LRMDA: variants seen among roughly 807,000 people sequenced by gnomAD.
LRMDA encodes the protein leucine-rich melanocyte differentiation-associated protein.
Under a neutral mutation model 29.8 loss-of-function variants are expected in LRMDA, and 18 were observed. That is an observed-to-expected ratio of 0.60 (90% CI 0.42 to 0.90). The LOEUF (loss-of-function observed/expected upper bound fraction) is 0.90, where lower values mean the gene tolerates loss of function less well. Ranked by LOEUF, LRMDA falls within the 40% of genes least tolerant of loss-of-function variation. LRMDA has a pLI of 0.00. For missense variants in LRMDA, 273 were observed against 273.9 expected (o/e 1.00, Z 0.02); for synonymous variants, 125 against 109.4 (o/e 1.14, Z -0.89).
intron 5 of LRMDA, among the ~76,000 whole-genome samples, chr10:76,151,762 CTAACT>C (rs2132166273): frequency 6.6e-6 from 1 of 152,256 alleles, no homozygotes; most frequent in Admixed American, 6.5e-5. Flanking sequence ...ACACAACATC[CTAACT>C]TAACTTTTGT....
intron 2 of LRMDA, among the ~76,000 whole-genome samples, chr10:75,820,107 G>T (rs538255215): frequency 1.3e-5 from 2 of 152,220 alleles, no homozygotes; most frequent in African/African-American, 2.4e-5. Context: ...GATCATCGAG[G>T]CAGAAAAACA....
At chr10:75,546,769 C>T (rs1195428568) in intron 2 of LRMDA, among the ~76,000 whole-genome samples, 1 of 152,150 alleles carries the variant, frequency 6.6e-6, no homozygotes, top group Non-Finnish European at 1.5e-5. Context: ...ATAATCATTA[C>T]TGATAGCTAT....
chr10:75,741,125 G>C (rs1272754467), intron 2 of LRMDA, among the ~76,000 whole-genome samples: 1 of 152,176 alleles, frequency 6.6e-6, no homozygotes, highest in Non-Finnish European at 1.5e-5. Context: ...GCCTGGTAAA[G>C]AGTATCAGAT....
intron 5 of LRMDA, among the ~76,000 whole-genome samples, chr10:76,298,183 G>A (rs1478050343): frequency 6.6e-6 from 1 of 152,190 alleles, no homozygotes; most frequent in Non-Finnish European, 1.5e-5. Flanking sequence ...AGTAGAACTG[G>A]TAAATCATTA....
intron 6 of LRMDA, among the ~76,000 whole-genome samples, chr10:76,359,393 G>C (rs1050860494): frequency 2.0e-5 from 3 of 152,154 alleles, no homozygotes; most frequent in African/African-American, 7.2e-5. Flanking sequence ...AACTTCTAGG[G>C]AATGATAAGA....
intron 6 of LRMDA, among the ~76,000 whole-genome samples, chr10:76,352,108 G>T (rs928689394): frequency 1.3e-5 from 2 of 152,112 alleles, no homozygotes. Flanking sequence ...TATGTAAGTT[G>T]CTATGAATAG....
At chr10:76,095,651 A>G (rs1373712156) in intron 5 of LRMDA, among the ~76,000 whole-genome samples, 1 of 152,238 alleles carries the variant, frequency 6.6e-6, no homozygotes, top group Non-Finnish European at 1.5e-5. Flanking sequence ...CTTGCTATAT[A>G]TAACTTGATA....
At chr10:76,046,430 C>G (rs928718872) in intron 3 of LRMDA, among the ~76,000 whole-genome samples, 4 of 152,146 alleles carry the variant, frequency 2.6e-5, no homozygotes, top group African/African-American at 7.2e-5. Context: ...CCCTCACTAA[C>G]AGAGAAAGAA....
At chr10:76,049,606 C>T (rs1351500466) in intron 4 of LRMDA, among the ~76,000 whole-genome samples, 3 of 152,068 alleles carry the variant, frequency 2.0e-5, no homozygotes, top group Non-Finnish European at 4.4e-5. Flanking sequence ...GATATAGTTC[C>T]ATTCTATGGT....
intron 2 of LRMDA, among the ~76,000 whole-genome samples, chr10:75,792,509 C>T (rs1227677071): frequency 6.6e-6 from 1 of 152,152 alleles, no homozygotes; most frequent in African/African-American, 2.4e-5. Flanking sequence ...ATGATCCACC[C>T]ATCTTGGCCT....
At chr10:75,789,366 G>A (rs575820066) in intron 2 of LRMDA, among the ~76,000 whole-genome samples, 1 of 152,348 alleles carries the variant, frequency 6.6e-6, no homozygotes. Context: ...AACATACAGT[G>A]AGAAGAATGA....
chr10:75,903,954 G>T (rs903220440), intron 2 of LRMDA, among the ~76,000 whole-genome samples: 2 of 152,186 alleles, frequency 1.3e-5, no homozygotes, highest in Admixed American at 1.3e-4. Context: ...TCTGCTGTGT[G>T]ATGAAAAGCA....
intron 2 of LRMDA, among the ~76,000 whole-genome samples, chr10:75,814,637 C>T (rs887430172): frequency 3.9e-5 from 6 of 152,148 alleles, no homozygotes; most frequent in African/African-American, 1.4e-4. Flanking sequence ...GTGCAGGCAG[C>T]CGGTTGACAC....
At chr10:76,243,193 G>A (rs1408610921) in intron 5 of LRMDA, among the ~76,000 whole-genome samples, 1 of 152,158 alleles carries the variant, frequency 6.6e-6, no homozygotes, top group Non-Finnish European at 1.5e-5. Flanking sequence ...ATTCTTAATT[G>A]AGTTGATGTT....
intron 2 of LRMDA, among the ~76,000 whole-genome samples, chr10:75,786,047 G>A (rs1169080023): frequency 6.6e-6 from 1 of 152,186 alleles, no homozygotes; most frequent in Non-Finnish European, 1.5e-5. Context: ...ACATTGTGAG[G>A]GGGACACAAA....
chr10:75,496,215 C>T (rs569671538), intron 2 of LRMDA, among the ~76,000 whole-genome samples: 2 of 152,250 alleles, frequency 1.3e-5, no homozygotes, highest in East Asian at 3.9e-4. Context: ...CTTAAAGAGG[C>T]TTTGAAGAGA....
chr10:76,484,329 T>C (rs2132329433), intron 6 of LRMDA, among the ~76,000 whole-genome samples: 1 of 151,978 alleles, frequency 6.6e-6, no homozygotes, highest in East Asian at 1.9e-4. Flanking sequence ...ATAGAAATCT[T>C]AAAGGACATT....
rs181071734 is a variant in LRMDA, at chr10:75,686,594, C to T, written c.131+248100C>T. ...ATATTGGTTGGCTGACTGCATAGTT[C>T]CTAACCCTTATATTTACTTTCTTCG... On this transcript the variant is annotated intron_variant, in intron 2 of 6. Coordinates refer to ENST00000611255, the MANE Select transcript of LRMDA (RefSeq NM_001305581.2). Among the ~76,000 whole-genome samples the T allele has an allele frequency of 5.8e-4, 89 of 152,258 alleles. No individual in the cohort carries two copies. The East Asian group carries it at 9.1e-3, about 16-fold the overall frequency.
intron 2 of LRMDA, among the ~76,000 whole-genome samples, chr10:75,919,063 A>G (rs1287416641): frequency 6.6e-6 from 1 of 152,228 alleles, no homozygotes; most frequent in African/African-American, 2.4e-5. Context: ...CAAGGGCCGT[A>G]GGAAGTAGGT....
Sources: gnomAD v4.1 joint callset for allele counts (sites outside exome capture counted in the v4.1 genomes callset) on GRCh38, gnomAD v4.1.1 for gene constraint, MANE v1.5 for transcripts, NCBI Gene and HGNC (gene_info 2026-07-23, HGNC 2026-07-21) for gene names.